The following HEPACAM2 variants were observed in gnomAD, a reference collection of about 807,000 sequenced individuals.
HEPACAM2 encodes mitotic kinetics regulator.
A neutral mutation model predicts 49.6 loss-of-function variants in HEPACAM2; 49 were observed. The ratio of observed to expected loss-of-function variants is 0.99; its 90% CI spans 0.78 to 1.25. The LOEUF (loss-of-function observed/expected upper bound fraction) is 1.25, where lower values mean the gene tolerates loss of function less well. Among genes scored for constraint, HEPACAM2 ranks in the 50% most tolerant of loss-of-function variants. HEPACAM2 has a pLI of 0.00. For missense variants in HEPACAM2, 525 were observed against 557.2 expected, an observed-to-expected ratio of 0.94 and a Z score of 0.58; for synonymous variants, 197 against 202.9, an observed-to-expected ratio of 0.97 and a Z score of 0.25.
At chr7:93,206,534 A>T (rs946832118) in intron 4 of HEPACAM2, among the ~76,000 whole-genome samples, 1 of 152,132 alleles carries the variant, frequency 6.6e-6, no homozygotes, top group South Asian at 2.1e-4. Flanking sequence ...TCTACTGCCC[A>T]AATGAAGCAA....
chr7:93,220,890 A>G (rs1254460416), intron 1 of HEPACAM2, among the ~76,000 whole-genome samples: 1 of 152,228 alleles, frequency 6.6e-6, no homozygotes, highest in East Asian at 1.9e-4. Flanking sequence ...TCTTTGCTTC[A>G]AAATCCTCAT....
At chr7:93,220,186 A>G (rs1206315110) in intron 1 of HEPACAM2, among the ~76,000 whole-genome samples, 1 of 152,228 alleles carries the variant, frequency 6.6e-6, no homozygotes, top group Non-Finnish European at 1.5e-5. Context: ...TGGGGATGCA[A>G]TAGGAGTTTC....
chr7:93,212,370 A>G (rs1346136601), intron 3 of HEPACAM2, among the ~76,000 whole-genome samples: 4 of 151,932 alleles, frequency 2.6e-5, no homozygotes, highest in African/African-American at 9.7e-5. Context: ...AAGCAGCCTC[A>G]CATCCCTCAA....
chr7:93,195,999 T>C, intron 7 of HEPACAM2, 98 bp from the exon 8 acceptor site: 1 of 817,602 alleles, frequency 1.2e-6, no homozygotes, highest in Non-Finnish European at 2.1e-6. Context: ...CTGTTTTAAA[T>C]GGTATAGGTA....
chr7:93,198,560 T>C (rs1343239350), intron 4 of HEPACAM2, among the ~76,000 whole-genome samples: 1 of 152,170 alleles, frequency 6.6e-6, no homozygotes, highest in Non-Finnish European at 1.5e-5. Flanking sequence ...TCAATCTATA[T>C]AATAGGAAGT....
chr7:93,219,798 TTAA>T (rs1562834762), intron 1 of HEPACAM2, among the ~76,000 whole-genome samples: 2 of 152,234 alleles, frequency 1.3e-5, no homozygotes, highest in African/African-American at 4.8e-5. Flanking sequence ...TATGACTATA[TTAA>T]TGTCTGTCAT....
At chr7:93,198,244 T>A (rs1028917547) in intron 4 of HEPACAM2, among the ~76,000 whole-genome samples, 1 of 152,140 alleles carries the variant, frequency 6.6e-6, no homozygotes, top group Non-Finnish European at 1.5e-5. Flanking sequence ...TCATTCCCTT[T>A]ATTAATATCA....
intron 9 of HEPACAM2, among the ~76,000 whole-genome samples, chr7:93,191,386 G>A (rs1793541815): frequency 6.6e-6 from 1 of 152,006 alleles, no homozygotes; most frequent in Non-Finnish European, 1.5e-5. Flanking sequence ...ATTTTTCCTG[G>A]ATTTGTTCAT....
chr7:93,222,970 A>G (rs1794478421), intron 1 of HEPACAM2, among the ~76,000 whole-genome samples: 1 of 152,204 alleles, frequency 6.6e-6, no homozygotes, highest in Non-Finnish European at 1.5e-5. Context: ...TTTTACAAAG[A>G]AATCAAGGGG....
intron 3 of HEPACAM2, among the ~76,000 whole-genome samples, chr7:93,211,754 T>A (rs1284375774): frequency 6.6e-6 from 1 of 151,836 alleles, no homozygotes; most frequent in Non-Finnish European, 1.5e-5. Flanking sequence ...CAGGAGGAAT[T>A]TACCGTAGTT....
In HEPACAM2 at chr7:93,197,567, T is replaced by C. The variant is rs144101991; in HGVS notation, c.1056A>G (p.Leu352=). ...ATAGTGATATTCCAGTTATACTTGC[T>C]AAAGGTGACAATGATTTTCCTTTCT... is the stretch of plus-strand genomic sequence containing the variant. ...LAQKGKSLSP[L]ASITGISLFL... Residue 352 remains leucine, a synonymous_variant, in exon 5 of 10, where the codon TTA becomes TTG. Coordinates refer to ENST00000394468, the MANE Select transcript of HEPACAM2 (RefSeq NM_001039372.4). 1.3e-6 allele frequency: 2 copies of C among 1,598,970 alleles called. No homozygotes were observed. The highest frequency in any genetic ancestry group is 1.7e-6 in the Non-Finnish European group (2 of 1,170,550).
intron 3 of HEPACAM2, among the ~76,000 whole-genome samples, chr7:93,210,184 T>G (rs1197187367): frequency 1.3e-5 from 2 of 152,014 alleles, no homozygotes; most frequent in Non-Finnish European, 2.9e-5. Flanking sequence ...CTTTGAGTTT[T>G]AGTGCTTATG....
At chr7:93,214,967 A>G (rs903330727) in intron 3 of HEPACAM2, among the ~76,000 whole-genome samples, 4 of 152,212 alleles carry the variant, frequency 2.6e-5, no homozygotes, top group Non-Finnish European at 4.4e-5. Context: ...AGAAGAAAGA[A>G]TTGATGTAAA....
At chr7:93,222,870 A>C (rs560942872) in intron 1 of HEPACAM2, among the ~76,000 whole-genome samples, 1 of 152,300 alleles carries the variant, frequency 6.6e-6, no homozygotes, top group Admixed American at 6.5e-5. Context: ...GAGGGCCTAA[A>C]TAATTTTGAA....
chr7:93,204,271 A>G (rs990567336), intron 4 of HEPACAM2, among the ~76,000 whole-genome samples: 1 of 152,190 alleles, frequency 6.6e-6, no homozygotes, highest in Non-Finnish European at 1.5e-5. Context: ...GAATGCCTTC[A>G]TTAAATGTGA....
At chr7:93,214,088 AG>A (rs1479730597) in intron 3 of HEPACAM2, among the ~76,000 whole-genome samples, 22 of 152,170 alleles carry the variant, frequency 1.4e-4, no homozygotes, top group Non-Finnish European at 3.2e-4. Flanking sequence ...AGTGATAGCA[AG>A]AAAAATTATT....
At chr7:93,206,910 T>G (rs1794043435) in intron 4 of HEPACAM2, among the ~76,000 whole-genome samples, 1 of 152,124 alleles carries the variant, frequency 6.6e-6, no homozygotes, top group South Asian at 2.1e-4. Context: ...CATGGCTCTT[T>G]AGGAACTTTT....
At chr7:93,206,351 G>A (rs926103097) in intron 4 of HEPACAM2, among the ~76,000 whole-genome samples, 4 of 152,116 alleles carry the variant, frequency 2.6e-5, no homozygotes, top group African/African-American at 9.7e-5. Context: ...ACTCATGTTA[G>A]ATTGTGAGCA....
At chr7:93,205,025 A>C (rs534355844) in intron 4 of HEPACAM2, among the ~76,000 whole-genome samples, 1 of 151,800 alleles carries the variant, frequency 6.6e-6, no homozygotes, top group Non-Finnish European at 1.5e-5. Flanking sequence ...ACTTGAACCC[A>C]GGAGGCAGAG....
Sources: gnomAD v4.1 joint callset for allele counts (sites outside exome capture counted in the v4.1 genomes callset) on GRCh38, gnomAD v4.1.1 for gene constraint, MANE v1.5 for transcripts, NCBI Gene and HGNC (gene_info 2026-07-23, HGNC 2026-07-21) for gene names.